Variants in ITK observed in about 807,000 individuals in gnomAD.
The protein encoded by ITK is tyrosine-protein kinase ITK/TSK.
Under a neutral mutation model 87.6 loss-of-function variants are expected in ITK, and 45 were observed. The ratio of observed to expected loss-of-function variants is 0.51; its 90% confidence interval spans 0.40 to 0.66. ITK has a LOEUF of 0.66. Ranked by LOEUF, ITK falls within the 30% of genes least tolerant of loss-of-function variation. The pLI, the probability that ITK is intolerant of heterozygous loss-of-function variation, is 0.00. For synonymous variants in ITK, 303 were observed against 273.6 expected (o/e 1.11, Z -1.06); for missense variants, 605 against 766.3 (o/e 0.79, Z 2.48).
intron 8 of ITK, among the ~76,000 whole-genome samples, chr5:157,233,395 T>A (rs1309691884): frequency 6.6e-6 from 1 of 152,214 alleles, no homozygotes; most frequent in African/African-American, 2.4e-5. Context: ...AAAGATTCCA[T>A]GAAGAAAAAG....
chr5:157,218,902 G>A lies in ITK; in HGVS notation c.495+995G>A, dbSNP rs572714999. Among the ~76,000 whole-genome samples the A allele has an allele frequency of 9.2e-5, 14 of 152,210 alleles. No homozygotes were observed. In the South Asian group the frequency reaches 2.9e-3, roughly 32 times the overall value. On this transcript the variant is annotated intron_variant, in intron 5 of 16. Transcript: ENST00000422843. Reference sequence around the variant, plus strand: ...ACCTGCTGTGTCCAAAACGCTGGGGGAGGGGCCCAGGAATCTGCATTTTAA... The same window carrying A: ...ACCTGCTGTGTCCAAAACGCTGGGGAAGGGGCCCAGGAATCTGCATTTTAA...
intron 16 of ITK, among the ~76,000 whole-genome samples, chr5:157,250,383 G>A (rs62382970): frequency 0.012 from 1,860 of 151,390 alleles, 13 homozygotes; most frequent in South Asian, 0.02. Flanking sequence ...ATGTCTTTTC[G>A]TGGCTTAATA....
chr5:157,227,290 G>A (rs1307291242), intron 6 of ITK, among the ~76,000 whole-genome samples: 1 of 152,224 alleles, frequency 6.6e-6, no homozygotes, highest in Non-Finnish European at 1.5e-5. Context: ...GAATGTGAAA[G>A]TGCTTTGAAA....
intron 1 of ITK, among the ~76,000 whole-genome samples, chr5:157,188,118 A>T (rs1285499419): frequency 2.0e-5 from 3 of 152,106 alleles, no homozygotes; most frequent in Admixed American, 6.6e-5. Context: ...TAATATTCTT[A>T]AAACTACCCA....
At chr5:157,229,162 A>T (rs1335217087) in intron 7 of ITK, among the ~76,000 whole-genome samples, 1 of 152,246 alleles carries the variant, frequency 6.6e-6, no homozygotes, top group South Asian at 2.1e-4. Flanking sequence ...CCAACTAATG[A>T]ATGATAAAGT....
At chr5:157,223,057 G>A (rs1273591122) in intron 6 of ITK, 43 bp downstream of exon 6, 1 of 1,611,124 alleles carries the variant, frequency 6.2e-7, no homozygotes, top group Non-Finnish European at 8.5e-7. Flanking sequence ...TTGAGGTGTG[G>A]TGCGAACAAA....
At chr5:157,207,300 C>T (rs1754098368) in intron 1 of ITK, among the ~76,000 whole-genome samples, 1 of 150,164 alleles carries the variant, frequency 6.7e-6, no homozygotes, top group African/African-American at 2.5e-5. Context: ...CATTCTGATA[C>T]ACATACTAGT....
In ITK at chr5:157,243,649, C is replaced by G; in HGVS notation, c.1087C>G (p.Leu363Val). ...YGKWVIDPSE[L>V]TFVQEIGSGQ... ...GAAATGGGTGATCGACCCCTCAGAG[C>G]TCACTTTTGTGCAAGAGATTGGCAG... The change falls in exon 12 of 17, where the codon CTC becomes GTC. Residue 363 changes from leucine (L) to valine (V), a missense_variant. Leu to Val is a conservative substitution (Grantham distance 32). Around this residue, in one of 3 missense-constraint regions of ITK, gnomAD observed 464 missense variants for 578.0 expected, o/e 0.80. Coordinates refer to ENST00000422843, the MANE Select transcript of ITK (RefSeq NM_005546.4). The G allele has an allele frequency of 1.9e-6, 3 of 1,613,130 alleles. No homozygotes were observed. Among genetic ancestry groups the G allele is most frequent in the Non-Finnish European group, 2.5e-6 (3 of 1,179,996 alleles).
chr5:157,216,258 C>G (rs573067470), intron 4 of ITK, among the ~76,000 whole-genome samples: 1 of 152,196 alleles, frequency 6.6e-6, no homozygotes, highest in South Asian at 2.1e-4. Flanking sequence ...TTCCTGGTAC[C>G]GAGCACATTG....
intron 16 of ITK, among the ~76,000 whole-genome samples, chr5:157,250,835 T>C (rs1755127575): frequency 6.6e-6 from 1 of 152,152 alleles, no homozygotes; most frequent in African/African-American, 2.4e-5. Context: ...GCCTTTAAGG[T>C]CCCTCCATGT....
intron 2 of ITK, among the ~76,000 whole-genome samples, chr5:157,210,651 G>A (rs1306007033): frequency 3.4e-5 from 5 of 147,850 alleles, no homozygotes; most frequent in East Asian, 2.0e-4. Context: ...CCACTAACTC[G>A]TCATCTAGCA....
At chr5:157,218,398 T>G (rs921667235) in intron 5 of ITK, among the ~76,000 whole-genome samples, 3 of 151,820 alleles carry the variant, frequency 2.0e-5, no homozygotes, top group African/African-American at 4.8e-5. Flanking sequence ...TCACAGCTAC[T>G]TAGCAAGCTG....
chr5:157,202,355 A>C (rs1247665203), intron 1 of ITK, among the ~76,000 whole-genome samples: 1 of 152,170 alleles, frequency 6.6e-6, no homozygotes, highest in Non-Finnish European at 1.5e-5. Flanking sequence ...CTGAGATTAC[A>C]GGTGTGCACC....
intron 1 of ITK, among the ~76,000 whole-genome samples, chr5:157,197,991 G>A (rs1485956746): frequency 6.6e-6 from 1 of 151,764 alleles, no homozygotes; most frequent in Non-Finnish European, 1.5e-5. Context: ...CACATTCATG[G>A]CAAAATATTC....
chr5:157,223,438 T>A (rs1175117311), intron 6 of ITK, among the ~76,000 whole-genome samples: 2 of 151,824 alleles, frequency 1.3e-5, no homozygotes, highest in African/African-American at 2.4e-5. Context: ...TGGTACAGAT[T>A]GATAGTTATG....
intron 4 of ITK, among the ~76,000 whole-genome samples, chr5:157,215,212 T>C (rs1159202453): frequency 6.6e-6 from 1 of 152,192 alleles, no homozygotes; most frequent in Admixed American, 6.5e-5. Flanking sequence ...ATAGGAATAA[T>C]GGCCCATGTG....
At chr5:157,250,991 T>A (rs1755130047) in intron 16 of ITK, among the ~76,000 whole-genome samples, 1 of 152,260 alleles carries the variant, frequency 6.6e-6, no homozygotes, top group South Asian at 2.1e-4. Context: ...CTGCTATAAA[T>A]GTTTATGTGC....
intron 1 of ITK, among the ~76,000 whole-genome samples, chr5:157,200,217 C>G (rs1047137233): frequency 3.3e-5 from 5 of 152,194 alleles, no homozygotes; most frequent in African/African-American, 1.2e-4. Flanking sequence ...TGAATTGTGT[C>G]TGACACGTGT....
chr5:157,182,653 C>CT (rs1753559727), intron 1 of ITK, among the ~76,000 whole-genome samples: 1 of 152,052 alleles, frequency 6.6e-6, no homozygotes, highest in Admixed American at 6.6e-5. Context: ...TTACTCAATG[C>CT]TTTTTTGTGA....
Sources: gnomAD v4.1 joint callset for allele counts (sites outside exome capture counted in the v4.1 genomes callset) on GRCh38, gnomAD v4.1.1 for gene constraint, gnomAD v4.1.1 regional missense constraint, MANE v1.5 for transcripts, NCBI Gene and HGNC (gene_info 2026-07-23, HGNC 2026-07-21) for gene names.